Variants in CNTN4 observed in about 807,000 individuals in gnomAD.
CNTN4 encodes contactin-4.
CNTN4 carries 77 observed loss-of-function variants against 122.5 expected under a neutral mutation model. The observed-to-expected ratio is 0.63, with a 90% CI of 0.52 to 0.76. The LOEUF (loss-of-function observed/expected upper bound fraction) is 0.76, where lower values mean the gene tolerates loss of function less well. Ranked by LOEUF, CNTN4 falls within the 30% of genes least tolerant of loss-of-function variation. The probability of loss-of-function intolerance (pLI) is 0.00; values close to 1 mark genes in which losing one functional copy is unlikely to be tolerated. For synonymous variants in CNTN4, 512 were observed against 447.0 expected (o/e 1.15, Z -1.83); for missense variants, 1,256 against 1,259.1 (o/e 1.00, Z 0.04).
At chr3:3,017,001 A>G (rs116249946) in intron 14 of CNTN4, among the ~76,000 whole-genome samples, 1,953 of 152,268 alleles carry the variant, frequency 0.013, 24 homozygotes, top group Middle Eastern at 0.024. Context: ...ACCAGGTCAC[A>G]ATACTATGTG....
At chr3:2,859,565 C>G (rs1163201567) in intron 7 of CNTN4, among the ~76,000 whole-genome samples, 2 of 150,380 alleles carry the variant, frequency 1.3e-5, no homozygotes, top group Non-Finnish European at 3.0e-5. Flanking sequence ...ATGACTTCTT[C>G]CCTTGCAGGA....
intron 4 of CNTN4, among the ~76,000 whole-genome samples, chr3:2,661,094 A>G (rs946144995): frequency 6.6e-6 from 1 of 152,186 alleles, no homozygotes; most frequent in Non-Finnish European, 1.5e-5. Context: ...TCTATATCCT[A>G]CTACTACCAA....
intron 4 of CNTN4, among the ~76,000 whole-genome samples, chr3:2,673,070 G>A (rs1280376651): frequency 6.6e-6 from 1 of 152,138 alleles, no homozygotes; most frequent in Non-Finnish European, 1.5e-5. Flanking sequence ...ATTTTGCAAA[G>A]ATTTGTTTTT....
rs77389530 is a variant in CNTN4, at chr3:2,402,484, G to A, written c.-89+63251G>A. Among the ~76,000 whole-genome samples, 582 of 152,154 alleles carry A rather than the reference G, an allele frequency of 3.8e-3. 4 individuals carry two copies. Among genetic ancestry groups the A allele is most frequent in the African/African-American group, 0.014 (569 of 41,530 alleles). On this transcript the variant is annotated intron_variant, in intron 3 of 24. Transcript: ENST00000418658. Reference sequence around the variant, plus strand: ...ATATTTTGAAACAAACATACAATGTGTAATTATTAAATCAGGGTAATTGGG... The same window carrying A: ...ATATTTTGAAACAAACATACAATGTATAATTATTAAATCAGGGTAATTGGG...
Position 2,964,438 on chromosome 3 carries a change from TC to T in CNTN4, c.1359-23906del, listed in dbSNP as rs1363767596. Among the ~76,000 whole-genome samples, 8 of 152,328 alleles carry T rather than the reference TC, an allele frequency of 5.3e-5. No homozygotes were observed. The East Asian group carries it at 1.5e-3, about 29-fold the overall frequency. On this transcript the variant is annotated intron_variant, in intron 13 of 24. Transcript: ENST00000418658. ...CTGTCAACTCTTCCATTCATTGATCTCTAAAATTGGAAGACTTGAGGTGAAA... is the reference window on the plus strand; with the variant it reads ...CTGTCAACTCTTCCATTCATTGATCTTAAAATTGGAAGACTTGAGGTGAAA...
At chr3:2,750,967 T>C (rs1296740732) in intron 6 of CNTN4, among the ~76,000 whole-genome samples, 3 of 152,120 alleles carry the variant, frequency 2.0e-5, no homozygotes, top group African/African-American at 7.2e-5. Flanking sequence ...TAATTCCTTA[T>C]AAGTGTTTCT....
chr3:2,883,158 A>G lies in CNTN4; in HGVS notation c.666A>G (p.Glu222=). 6.2e-7 allele frequency: 1 copy of G among 1,613,204 alleles called. No homozygotes were observed. The highest frequency in any genetic ancestry group is 8.5e-7 in the Non-Finnish European group (1 of 1,179,274). Residue 222 remains glutamate (E), a synonymous_variant, in exon 9 of 25, where the codon GAA becomes GAG. Transcript: ENST00000418658. ...LILRNDGVMG[E]YEPKIEVQFP... ...ATTTATTCACAGGAGTGATGGGTGA[A>G]TATGAGCCCAAAATAGAAGTGCAGT...
At chr3:2,566,129 G>A (rs930261396) in intron 3 of CNTN4, among the ~76,000 whole-genome samples, 2 of 152,116 alleles carry the variant, frequency 1.3e-5, no homozygotes, top group African/African-American at 4.8e-5. Flanking sequence ...ACTGGCACCT[G>A]GCTTCACTTC....
At chr3:2,735,340 C>T (rs770529402) in intron 4 of CNTN4, among the ~76,000 whole-genome samples, 1 of 152,234 alleles carries the variant, frequency 6.6e-6, no homozygotes. Context: ...AGTCTAGAAG[C>T]ATGTGTACTC....
At chr3:2,408,976 G>A (rs968374966) in intron 3 of CNTN4, among the ~76,000 whole-genome samples, 9 of 152,058 alleles carry the variant, frequency 5.9e-5, no homozygotes, top group African/African-American at 2.2e-4. Context: ...GGCAGTTTTT[G>A]TATGAAAGAA....
intron 2 of CNTN4, among the ~76,000 whole-genome samples, chr3:2,112,371 T>C (rs2033030301): frequency 6.6e-6 from 1 of 152,176 alleles, no homozygotes; most frequent in African/African-American, 2.4e-5. Context: ...TGAATTTCTG[T>C]TTACTCCAGA....
chr3:2,171,054 G>A (rs550702807), intron 2 of CNTN4, among the ~76,000 whole-genome samples: 4 of 152,146 alleles, frequency 2.6e-5, no homozygotes, highest in Admixed American at 1.3e-4. Context: ...GATTTTAGTC[G>A]AATAACTATA....
chr3:2,396,363 G>C (rs1575544848), intron 3 of CNTN4, among the ~76,000 whole-genome samples: 1 of 152,272 alleles, frequency 6.6e-6, no homozygotes, highest in East Asian at 1.9e-4. Flanking sequence ...GAGACATAAG[G>C]TAGATTGGAC....
intron 2 of CNTN4, among the ~76,000 whole-genome samples, chr3:2,120,498 G>A (rs2033699269): frequency 6.7e-6 from 1 of 149,010 alleles, no homozygotes; most frequent in African/African-American, 2.5e-5. Context: ...CGCTTCCTGG[G>A]ATCAAGCAAT....
intron 3 of CNTN4, among the ~76,000 whole-genome samples, chr3:2,450,186 C>A (rs1214686751): frequency 6.6e-6 from 1 of 151,868 alleles, no homozygotes; most frequent in African/African-American, 2.4e-5. Context: ...GGCAATATGA[C>A]AAAAATCCAA....
chr3:2,323,439 A>G (rs1153481), intron 2 of CNTN4, among the ~76,000 whole-genome samples: 1 of 152,008 alleles, frequency 6.6e-6, no homozygotes, highest in Non-Finnish European at 1.5e-5. Flanking sequence ...TGCTGCTTCA[A>G]GTTTACTTAA....
At chr3:2,594,486 T>G (rs2080665878) in intron 4 of CNTN4, among the ~76,000 whole-genome samples, 1 of 149,262 alleles carries the variant, frequency 6.7e-6, no homozygotes, top group African/African-American at 2.5e-5. Flanking sequence ...TGGCACGATC[T>G]CGGCTCACTG....
chr3:2,776,749 T>G (rs1287030043), intron 6 of CNTN4, among the ~76,000 whole-genome samples: 1 of 152,186 alleles, frequency 6.6e-6, no homozygotes, highest in Non-Finnish European at 1.5e-5. Flanking sequence ...TTGATTAAAT[T>G]TAACTGCACT....
At chr3:2,883,007 T>C (rs1443944871) in intron 8 of CNTN4, 138 bp from the exon 9 acceptor site, 3 of 669,576 alleles carry the variant, frequency 4.5e-6, no homozygotes, top group Admixed American at 4.3e-5. Context: ...CTGCTGGAGA[T>C]AGGACCTGCT....
Sources: allele counts gnomAD v4.1 joint callset (sites outside exome capture counted in the v4.1 genomes callset), GRCh38; gene constraint gnomAD v4.1.1; transcripts MANE v1.5; gene names NCBI Gene and HGNC (gene_info 2026-07-23, HGNC 2026-07-21).